OR3A2: variants seen among roughly 807,000 people sequenced by gnomAD.
OR3A2 encodes olfactory receptor 3A2.
For synonymous variants in OR3A2, 126 were observed against 159.3 expected (o/e 0.79, Z 1.57); for missense variants, 318 against 392.8 (o/e 0.81, Z 1.61).
intron 2 of OR3A2, among the ~76,000 whole-genome samples, chr17:3,360,224 G>A (rs1314951653): frequency 5.3e-5 from 8 of 150,936 alleles, no homozygotes; most frequent in South Asian, 4.2e-4. Context: ...GTCTTCTTTT[G>A]CGAAGTGTCT....
chr17:3,325,370 T>G (rs1221373243), intron 3 of OR3A2, among the ~76,000 whole-genome samples: 1 of 151,782 alleles, frequency 6.6e-6, no homozygotes, highest in Admixed American at 6.6e-5. Flanking sequence ...CCATCACACC[T>G]GGCTAATTTT....
At chr17:3,332,297 C>T (rs1216954384) in intron 3 of OR3A2, among the ~76,000 whole-genome samples, 3 of 152,178 alleles carry the variant, frequency 2.0e-5, no homozygotes, top group Non-Finnish European at 4.4e-5. Context: ...ATGGCGGGCG[C>T]CCCTCCCCCA....
At chr17:3,278,957 G>A in intron 1 of OR3A2, 34 bp from the exon 5 acceptor site, 1 of 1,571,312 alleles carries the variant, frequency 6.4e-7, no homozygotes, top group Non-Finnish European at 8.6e-7. Context: ...GGAGGTATCA[G>A]TTCACTCAGT....
At chr17:3,367,772 G>C (rs1424195223) in intron 2 of OR3A2, among the ~76,000 whole-genome samples, 1 of 151,950 alleles carries the variant, frequency 6.6e-6, no homozygotes, top group South Asian at 2.1e-4. Context: ...CCAGTAGTGG[G>C]ATTGCTGGTT....
At chr17:3,322,634 G>A (rs1485863100) in intron 3 of OR3A2, among the ~76,000 whole-genome samples, 33 of 152,172 alleles carry the variant, frequency 2.2e-4, no homozygotes, top group Non-Finnish European at 1.5e-5. Context: ...TATGTACCCA[G>A]TAGTCATTCA....
chr17:3,330,468 G>C (rs2049221061), intron 3 of OR3A2, among the ~76,000 whole-genome samples: 1 of 152,004 alleles, frequency 6.6e-6, no homozygotes, highest in African/African-American at 2.4e-5. Flanking sequence ...ATTATGTAAT[G>C]GCCTTCTTTG....
chr17:3,331,012 C>A (rs886557237), intron 3 of OR3A2, among the ~76,000 whole-genome samples: 1 of 152,030 alleles, frequency 6.6e-6, no homozygotes, highest in Non-Finnish European at 1.5e-5. Context: ...GTTGAAAATT[C>A]TTTTCTTTAA....
Position 3,299,042 on chromosome 17 carries a change from C to T in OR3A2, c.-84-19889G>A, listed in dbSNP as rs568977821. Reference sequence around the variant, plus strand: ...AAGAGGCCTCCCCTCCAACTCCTTACTGCACCCCTCATATTAGTTTCATGG... The same window carrying T: ...AAGAGGCCTCCCCTCCAACTCCTTATTGCACCCCTCATATTAGTTTCATGG... On this transcript the variant is annotated intron_variant, in intron 3 of 4. Transcript: ENST00000573491. 1.2e-4 allele frequency among the ~76,000 whole-genome samples: 19 copies of T among 152,334 alleles called. No individual in the cohort carries two copies. In the East Asian group the frequency reaches 3.7e-3, roughly 29 times the overall value.
intron 1 of OR3A2, 93 bp downstream of exon 1, chr17:3,386,028 CATCT>C (rs2049774053): frequency 5.0e-6 from 2 of 398,778 alleles, no homozygotes; most frequent in South Asian, 2.5e-4. Context: ...TCTGCCTTGG[CATCT>C]ATCTGCTCAA....
At chr17:3,306,679 CA>C (rs71153340) in intron 3 of OR3A2, among the ~76,000 whole-genome samples, 6,061 of 109,230 alleles carry the variant, frequency 0.055, 499 homozygotes, top group African/African-American at 0.17. Context: ...TACTACTCTT[CA>C]AAAAAAAAAA....
At chr17:3,369,075 G>A (rs2049588012) in intron 2 of OR3A2, among the ~76,000 whole-genome samples, 1 of 152,130 alleles carries the variant, frequency 6.6e-6, no homozygotes, top group African/African-American at 2.4e-5. Context: ...CTGATTTGTG[G>A]ACGTTGATTA....
chr17:3,374,288 T>C (rs564166232), intron 2 of OR3A2, among the ~76,000 whole-genome samples: 2 of 152,336 alleles, frequency 1.3e-5, no homozygotes, highest in South Asian at 2.1e-4. Flanking sequence ...TGATGATCTT[T>C]TCGCAATGAA....
chr17:3,330,947 G>T (rs1213065146), intron 3 of OR3A2, among the ~76,000 whole-genome samples: 15 of 151,928 alleles, frequency 9.9e-5, no homozygotes, highest in South Asian at 4.2e-4. Context: ...GTCTGTAAAG[G>T]ATTTTATTTC....
chr17:3,362,676 C>T (rs1445775368), intron 2 of OR3A2, among the ~76,000 whole-genome samples: 1 of 151,638 alleles, frequency 6.6e-6, no homozygotes, highest in Non-Finnish European at 1.5e-5. Flanking sequence ...TCCTTATGTA[C>T]CCAGTAGTCA....
chr17:3,314,860 T>C (rs925159166), intron 3 of OR3A2, among the ~76,000 whole-genome samples: 6 of 152,264 alleles, frequency 3.9e-5, no homozygotes, highest in African/African-American at 1.4e-4. Flanking sequence ...CTCTTTTTAG[T>C]AGTTCACAGT....
intron 3 of OR3A2, among the ~76,000 whole-genome samples, chr17:3,299,630 A>G (rs2048946665): frequency 2.0e-5 from 3 of 152,182 alleles, no homozygotes; most frequent in Admixed American, 2.0e-4. Context: ...GGAAGTGCCC[A>G]CCATGATGGA....
chr17:3,304,784 C>T (rs2048988671), intron 3 of OR3A2, among the ~76,000 whole-genome samples: 1 of 151,748 alleles, frequency 6.6e-6, no homozygotes, highest in Admixed American at 6.6e-5. Context: ...CATTTAAAAA[C>T]AAACTAGGTA....
At chr17:3,319,608 G>A (rs978173533) in intron 3 of OR3A2, among the ~76,000 whole-genome samples, 1 of 152,084 alleles carries the variant, frequency 6.6e-6, no homozygotes, top group African/African-American at 2.4e-5. Flanking sequence ...TCCCACTTAT[G>A]AGTGAGAACA....
intron 2 of OR3A2, among the ~76,000 whole-genome samples, chr17:3,339,198 T>C (rs761411237): frequency 6.6e-5 from 10 of 152,240 alleles, no homozygotes; most frequent in Non-Finnish European, 1.3e-4. Flanking sequence ...AAATATATAA[T>C]CATGTCCTCT....
Sources: gnomAD v4.1 joint callset for allele counts (sites outside exome capture counted in the v4.1 genomes callset) on GRCh38, gnomAD v4.1.1 for gene constraint, MANE v1.5 for transcripts, NCBI Gene and HGNC (gene_info 2026-07-23, HGNC 2026-07-21) for gene names.